Variants in AKAP8L observed in about 807,000 individuals in gnomAD.
AKAP8L encodes the protein A-kinase anchor protein 8-like.
In AKAP8L, 34 loss-of-function variants were observed where a neutral mutation model predicts 77.5. The ratio of observed to expected loss-of-function variants is 0.44; its 90% CI spans 0.33 to 0.58. AKAP8L has a LOEUF of 0.58. Ranked by LOEUF, AKAP8L falls within the 20% of genes least tolerant of loss-of-function variation. AKAP8L has a pLI of 0.02. For missense variants in AKAP8L, 806 were observed against 887.6 expected (o/e 0.91, Z 1.17); for synonymous variants, 342 against 340.7 (o/e 1.00, Z -0.04).
chr19:15,403,681 G>T lies in AKAP8L; in HGVS notation c.156C>A (p.Gly52=). 6.3e-7 allele frequency: 1 copy of T among 1,587,902 alleles called. No individual in the cohort carries two copies. The highest frequency in any genetic ancestry group is 8.6e-7 in the Non-Finnish European group (1 of 1,166,982). The change falls in exon 4 of 14, where the codon GGC becomes GGA. Residue 52 remains glycine, a synonymous_variant. Transcript: ENST00000397410. This position sits in a 1 kb window ranked among gnomAD's most constrained non-coding sequence, Gnocchi z 4.3. ...ACCCATAGTTGGTGGTGTTATCCTG[G>T]CCATAGCCATAGCCATAGCCATAGC... ...YEGYGYGYGY[G]QDNTTNYGYG...
chr19:15,383,964 G>C (rs553694128), intron 12 of AKAP8L: 109 of 103,610 alleles, frequency 1.1e-3, no homozygotes, highest in African/African-American at 4.1e-3. Flanking sequence ...ATGGAGTCTT[G>C]CTCTGTTGCT....
In AKAP8L at chr19:15,398,583, G is replaced by A. The variant is rs1006072164; in HGVS notation, c.1157+719C>T. 3 of 986,752 alleles carry A rather than the reference G, an allele frequency of 3.0e-6. No individual in the cohort carries two copies. The highest frequency in any genetic ancestry group is 3.6e-6 in the Non-Finnish European group (3 of 830,820). The allele number at this position is 986,752 out of a possible 1,614,324, so 61.1% of individuals were successfully genotyped here. ...GGCCGGAGCAGGCCGCCGTGGCAAG[G>A]GGCGGAGGAGGCCAGCCGCCACCGA... On this transcript the variant is annotated intron_variant, in intron 9 of 13. Transcript: ENST00000397410. This position sits in a 1 kb window ranked among gnomAD's most constrained non-coding sequence, Gnocchi z 9.2.
chr19:15,399,263 A>T lies in AKAP8L; in HGVS notation c.1157+39T>A. ...CCTGCTCTCCTGGCGGCAGCCCCAC[A>T]GCGAGGCAGAGGCAGAGGGGTGGAG... On this transcript the variant is annotated intron_variant, in intron 9 of 13. Coordinates refer to ENST00000397410, the MANE Select transcript of AKAP8L (RefSeq NM_014371.4). This position sits in a 1 kb window ranked among gnomAD's most constrained non-coding sequence, Gnocchi z 6.1. The T allele has an allele frequency of 6.4e-7, 1 of 1,561,112 alleles. No homozygotes were observed. The highest frequency in any genetic ancestry group is 1.4e-5 in the African/African-American group (1 of 74,024).
At position 15,403,322 on chromosome 19, in the gene AKAP8L, C is replaced by A. The variant is rs1220553243; in HGVS notation, c.362+153G>T. The A allele has an allele frequency of 4.4e-6, 3 of 687,498 alleles. No individual in the cohort carries two copies. Among genetic ancestry groups the A allele is most frequent in the Non-Finnish European group, 2.5e-6 (1 of 399,260 alleles). 42.6% of individuals were successfully genotyped at this position (687,498 alleles called of 1,614,324 possible). ...GGTGAGAGGAGACACAAGTCAGAGA[C>A]GGGAAGTGCAACGGACCCTGCTGGG... is the stretch of plus-strand genomic sequence containing the variant. On this transcript the variant is annotated intron_variant, in intron 4 of 13. Transcript: ENST00000397410. The surrounding 1 kb of genome is among the most constrained non-coding windows in gnomAD (Gnocchi z 4.3).
chr19:15,404,127 C>G, intron 2 of AKAP8L, 85 bp from the exon 3 acceptor site: 1 of 1,441,850 alleles, frequency 6.9e-7, no homozygotes, highest in Non-Finnish European at 9.7e-7. Flanking sequence ...TTCCCAGGAC[C>G]TGACTGGTCA....
chr19:15,410,659 C>G (rs1468508593), intron 1 of AKAP8L, 65 bp from the exon 2 acceptor site: 1 of 1,340,146 alleles, frequency 7.5e-7, no homozygotes, highest in Non-Finnish European at 1.0e-6. Context: ...CTGAGACTAC[C>G]TAACCTTTGG....
intron 7 of AKAP8L, 101 bp downstream of exon 7, chr19:15,400,693 A>G: frequency 7.2e-7 from 1 of 1,385,062 alleles, no homozygotes; most frequent in Non-Finnish European, 1.0e-6. Context: ...CCATGCACGC[A>G]GAGCTGACAC....
At chr19:15,380,769 C>T (rs529491227) in intron 12 of AKAP8L, 157 bp from the exon 13 acceptor site, 15 of 620,800 alleles carry the variant, frequency 2.4e-5, no homozygotes, top group Middle Eastern at 4.0e-4. Context: ...GGAACCACAA[C>T]CTATCTGATC....
At position 15,401,112 on chromosome 19, in the gene AKAP8L, A is replaced by G. The variant is rs376887560; in HGVS notation, c.816+38T>C. 53 of 1,606,674 alleles carry G rather than the reference A, an allele frequency of 3.3e-5. 1 individual carries two copies. The highest frequency in any genetic ancestry group is 4.2e-5 in the Non-Finnish European group (49 of 1,179,598). Reference sequence around the variant, plus strand: ...CGGCCCTTAGCTCCGCCCCAGTGGGAACTAAGCTTCCCAGAGGGGAAGGCT... The same window carrying G: ...CGGCCCTTAGCTCCGCCCCAGTGGGGACTAAGCTTCCCAGAGGGGAAGGCT... On this transcript the variant is annotated intron_variant, in intron 5 of 13. Coordinates refer to ENST00000397410, the MANE Select transcript of AKAP8L (RefSeq NM_014371.4). This position sits in a 1 kb window ranked among gnomAD's most constrained non-coding sequence, Gnocchi z 6.2.
chr19:15,409,928 C>T (rs1968075086), intron 2 of AKAP8L, among the ~76,000 whole-genome samples: 1 of 151,922 alleles, frequency 6.6e-6, no homozygotes, highest in African/African-American at 2.4e-5. Context: ...AGCTTGCTTT[C>T]TCCTGGACCA....
intron 7 of AKAP8L, 177 bp from the exon 8 acceptor site, chr19:15,400,535 T>C (rs1300100285): frequency 2.7e-6 from 2 of 733,576 alleles, no homozygotes; most frequent in East Asian, 5.4e-5. Flanking sequence ...TGGCTTTAAA[T>C]GACAAGGCCC....
intron 12 of AKAP8L, among the ~76,000 whole-genome samples, chr19:15,384,652 G>A (rs1310870838): frequency 2.6e-5 from 4 of 152,062 alleles, no homozygotes; most frequent in African/African-American, 9.7e-5. Context: ...TACATTGTGT[G>A]GTTATTTTAA....
chr19:15,398,516 T>A lies in AKAP8L; in HGVS notation c.1158-661A>T. On this transcript the variant is annotated intron_variant, in intron 9 of 13. Transcript: ENST00000397410. This position sits in a 1 kb window ranked among gnomAD's most constrained non-coding sequence, Gnocchi z 9.2. ...AGTCACCTGGGCGAGGTGCTCTGTCTGGGCCTGGTGTCCACAGTAGAAGCC... is the reference window on the plus strand; with the variant it reads ...AGTCACCTGGGCGAGGTGCTCTGTCAGGGCCTGGTGTCCACAGTAGAAGCC... 1.1e-6 allele frequency: 1 copy of A among 946,046 alleles called. No homozygotes were observed. The highest frequency in any genetic ancestry group is 1.3e-6 in the Non-Finnish European group (1 of 793,584). 58.6% of individuals were successfully genotyped at this position (946,046 alleles called of 1,614,324 possible).
chr19:15,398,880 A>T lies in AKAP8L; in HGVS notation c.1157+422T>A. On this transcript the variant is annotated intron_variant, in intron 9 of 13. Coordinates refer to ENST00000397410, the MANE Select transcript of AKAP8L (RefSeq NM_014371.4). The surrounding 1 kb of genome is among the most constrained non-coding windows in gnomAD (Gnocchi z 9.2). ...CAGGCCCGAGGCTGCCACAGCCCAC[A>T]GGTGCTGCCATCTCTCCTGGGCACG... 1 of 881,008 alleles carries T rather than the reference A, an allele frequency of 1.1e-6. No individual in the cohort carries two copies. Among genetic ancestry groups the T allele is most frequent in the Admixed American group, 5.1e-5 (1 of 19,468 alleles). The allele number at this position is 881,008 out of a possible 1,614,324, so 54.6% of individuals were successfully genotyped here.
chr19:15,416,361 C>T (rs1968207534), intron 1 of AKAP8L, among the ~76,000 whole-genome samples: 1 of 152,162 alleles, frequency 6.6e-6, no homozygotes, highest in African/African-American at 2.4e-5. Context: ...AGTGTGACTT[C>T]TGGGATTTTC....
chr19:15,400,469 A>T, intron 7 of AKAP8L, 111 bp from the exon 8 acceptor site: 1 of 1,123,884 alleles, frequency 8.9e-7, no homozygotes, highest in Non-Finnish European at 1.3e-6. Context: ...TGCTCCATAG[A>T]CAGAGCAGGG....
At position 15,400,809 on chromosome 19, in the gene AKAP8L, C is replaced by G; in HGVS notation, c.969G>C (p.Glu323Asp). Residue 323 changes from glutamate (E) to aspartate (D), a missense_variant, in exon 7 of 14, where the codon GAG becomes GAC. By Grantham distance (45) the Glu-to-Asp change is conservative (BLOSUM62 2). Transcript: ENST00000397410. Reference protein sequence around the residue: ...TEGLEGTEAVEKGSRVDGEDE... With the variant: ...TEGLEGTEAVDKGSRVDGEDE... The stretch of plus-strand genomic sequence containing the variant: ...AGCCACTTACCACTCTGGAGCCCTT[C>G]TCCACAGCCTCGGTGCCTTCAAGGC... The G allele has an allele frequency of 1.9e-6, 3 of 1,614,036 alleles. No individual in the cohort carries two copies. The highest frequency in any genetic ancestry group is 2.5e-6 in the Non-Finnish European group (3 of 1,179,896).
intron 12 of AKAP8L, among the ~76,000 whole-genome samples, chr19:15,387,755 T>C (rs1363030005): frequency 1.3e-5 from 2 of 152,150 alleles, no homozygotes; most frequent in Non-Finnish European, 2.9e-5. Context: ...GATCAAGAGT[T>C]CGAGACCAGC....
intron 7 of AKAP8L, 35 bp from the exon 8 acceptor site, chr19:15,400,393 CCTTT>C: frequency 1.3e-6 from 2 of 1,545,874 alleles, no homozygotes; most frequent in Non-Finnish European, 1.8e-6. Context: ...AAAACAGGTG[CCTTT>C]TTTTTTTTTT....
Sources: allele counts gnomAD v4.1 joint callset (sites outside exome capture counted in the v4.1 genomes callset), GRCh38; gene constraint gnomAD v4.1.1; non-coding constraint Gnocchi (gnomAD v3.1); transcripts MANE v1.5; gene names NCBI Gene and HGNC (gene_info 2026-07-23, HGNC 2026-07-21).